The following IL1RAPL2 variants were observed in gnomAD, a reference collection of about 807,000 sequenced individuals.
IL1RAPL2 encodes the protein X-linked interleukin-1 receptor accessory protein-like 2.
Under a neutral mutation model 44.1 loss-of-function variants are expected in IL1RAPL2, and 3 were observed. The ratio of observed to expected loss-of-function variants is 0.07; its 90% CI spans 0.03 to 0.18. IL1RAPL2 has a LOEUF of 0.18. Ranked by LOEUF, IL1RAPL2 falls within the 10% of genes least tolerant of loss-of-function variation. The probability of loss-of-function intolerance (pLI) is 1.00; values close to 1 mark genes in which losing one functional copy is unlikely to be tolerated. For synonymous variants in IL1RAPL2, 181 were observed against 178.8 expected (o/e 1.01, Z -0.10); for missense variants, 391 against 496.4 (o/e 0.79, Z 2.02).
chrX:105,346,373 A>T (rs59202454), intron 5 of IL1RAPL2, among the ~76,000 whole-genome samples: 8,240 of 112,010 alleles, frequency 0.074, 765 homozygotes, highest in African/African-American at 0.25. Flanking sequence ...TTTTTGTTAT[A>T]AAAACAAGAA....
intron 3 of IL1RAPL2, among the ~76,000 whole-genome samples, chrX:105,201,263 C>T (rs1449935658): frequency 1.8e-5 from 2 of 111,662 alleles, no homozygotes; most frequent in Non-Finnish European, 3.8e-5. Context: ...GATTATTACT[C>T]CAGCAAAACA....
intron 2 of IL1RAPL2, among the ~76,000 whole-genome samples, chrX:105,184,501 T>C (rs1347388968): frequency 1.8e-5 from 2 of 109,534 alleles, no homozygotes; most frequent in African/African-American, 6.6e-5. Context: ...AAATTATGAA[T>C]ATAATATGCA....
chrX:105,596,582 A>C (rs1445812902), intron 6 of IL1RAPL2, among the ~76,000 whole-genome samples: 1 of 111,625 alleles, frequency 9.0e-6, no homozygotes, highest in African/African-American at 3.3e-5. Context: ...CTAAAATGTG[A>C]TCTGTTCTGG....
In IL1RAPL2 at chrX:105,312,816, ACAT is replaced by A. The variant is rs200764160; in HGVS notation, c.697+45279_697+45281del. ...TTCTACTATGTATATACATTTTGAAACATCATGTTGTACATGATAGATATATAT... is the reference window on the plus strand; with the variant it reads ...TTCTACTATGTATATACATTTTGAAACATGTTGTACATGATAGATATATAT... On this transcript the variant is annotated intron_variant, in intron 5 of 10. Transcript: ENST00000372582. Among the ~76,000 whole-genome samples, 94 of 111,401 alleles carry A rather than the reference ACAT, an allele frequency of 8.4e-4. 1 individual carries two copies. The East Asian group carries it at 0.015, about 18-fold the overall frequency.
intron 6 of IL1RAPL2, among the ~76,000 whole-genome samples, chrX:105,540,929 T>A (rs1260770863): frequency 9.9e-6 from 1 of 101,321 alleles, no homozygotes; most frequent in Non-Finnish European, 2.0e-5. Context: ...TGATATATAA[T>A]ATATACATAT....
At chrX:105,146,547 TA>T (rs1043722362) in intron 2 of IL1RAPL2, among the ~76,000 whole-genome samples, 35 of 111,723 alleles carry the variant, frequency 3.1e-4, no homozygotes, top group African/African-American at 1.0e-3. Flanking sequence ...TTTTAAAAAA[TA>T]TAGCGACTTT....
chrX:105,098,727 C>A (rs1602953495), intron 2 of IL1RAPL2, among the ~76,000 whole-genome samples: 2 of 112,026 alleles, frequency 1.8e-5, no homozygotes, highest in Middle Eastern at 9.2e-3. Context: ...TTTTCTTCCC[C>A]TTCTGATTTG....
At chrX:104,790,284 T>C (rs892498956) in intron 2 of IL1RAPL2, among the ~76,000 whole-genome samples, 3 of 111,587 alleles carry the variant, frequency 2.7e-5, no homozygotes, top group African/African-American at 9.8e-5. Flanking sequence ...GAGTCTCTAT[T>C]TGTGATAGAG....
intron 2 of IL1RAPL2, among the ~76,000 whole-genome samples, chrX:104,954,787 T>A: frequency 8.9e-6 from 1 of 112,857 alleles, no homozygotes; most frequent in Admixed American, 9.3e-5. Flanking sequence ...GTGGCCATAT[T>A]GCAAGGCAGG....
intron 6 of IL1RAPL2, among the ~76,000 whole-genome samples, chrX:105,655,498 T>C (rs1045177293): frequency 3.6e-5 from 4 of 111,599 alleles, no homozygotes; most frequent in Non-Finnish European, 7.5e-5. Context: ...ATGGACTTGT[T>C]TGGCTGCAAA....
intron 2 of IL1RAPL2, among the ~76,000 whole-genome samples, chrX:104,863,540 G>C (rs1436938140): frequency 8.9e-6 from 1 of 111,935 alleles, no homozygotes; most frequent in East Asian, 2.8e-4. Context: ...CTAAATTTTG[G>C]GAATAAGTTA....
intron 5 of IL1RAPL2, among the ~76,000 whole-genome samples, chrX:105,470,107 A>C (rs749916171): frequency 9.0e-6 from 1 of 111,590 alleles, no homozygotes; most frequent in East Asian, 2.8e-4. Flanking sequence ...CACCCTGAGA[A>C]TGGCATAAGA....
chrX:105,746,315 C>A (rs1275803432), intron 8 of IL1RAPL2, among the ~76,000 whole-genome samples: 2 of 112,624 alleles, frequency 1.8e-5, no homozygotes, highest in Non-Finnish European at 3.7e-5. Flanking sequence ...CTTGCTACAG[C>A]TCTCTTTGTG....
chrX:105,671,226 C>T (rs1391068307), intron 6 of IL1RAPL2, among the ~76,000 whole-genome samples: 1 of 112,062 alleles, frequency 8.9e-6, no homozygotes, highest in African/African-American at 3.2e-5. Context: ...GGATTAAAGG[C>T]ATGAGCCACC....
intron 2 of IL1RAPL2, among the ~76,000 whole-genome samples, chrX:105,087,023 G>C (rs1431231259): frequency 9.1e-6 from 1 of 110,464 alleles, no homozygotes; most frequent in Non-Finnish European, 1.9e-5. Context: ...CTCAGGCATA[G>C]AGAATTTTAG....
intron 5 of IL1RAPL2, among the ~76,000 whole-genome samples, chrX:105,325,554 T>TATATATATAC (rs1197593044): frequency 5.8e-4 from 56 of 96,003 alleles, no homozygotes; most frequent in African/African-American, 2.0e-3. Context: ...TATATATATA[T>TATATATATAC]ATATATATAT....
intron 2 of IL1RAPL2, among the ~76,000 whole-genome samples, chrX:105,034,679 T>A (rs1037341966): frequency 4.4e-5 from 5 of 112,457 alleles, no homozygotes; most frequent in African/African-American, 1.3e-4. Flanking sequence ...GTTAGGCTAC[T>A]CTGGGGTCAG....
At chrX:105,600,542 TATTTAATGAA>T (rs1162556300) in intron 6 of IL1RAPL2, among the ~76,000 whole-genome samples, 1 of 108,461 alleles carries the variant, frequency 9.2e-6, no homozygotes, top group Non-Finnish European at 1.9e-5. Flanking sequence ...TAATGAATAA[TATTTAATGAA>T]ATAATTATAA....
intron 1 of IL1RAPL2, among the ~76,000 whole-genome samples, chrX:104,609,333 G>T (rs1025935606): frequency 2.7e-5 from 3 of 111,224 alleles, no homozygotes; most frequent in African/African-American, 9.8e-5. Flanking sequence ...TATGTGTCTT[G>T]GGGTTGCTCT....
Sources: allele counts gnomAD v4.1 joint callset (sites outside exome capture counted in the v4.1 genomes callset), GRCh38; gene constraint gnomAD v4.1.1; transcripts MANE v1.5; gene names NCBI Gene and HGNC (gene_info 2026-07-23, HGNC 2026-07-21).